RNF180: variants seen among roughly 807,000 people sequenced by gnomAD.
RNF180 encodes the protein ring finger protein 180, also known as E3 ubiquitin-protein ligase RNF180.
RNF180 carries 38 observed loss-of-function variants against 59.2 expected under a neutral mutation model. The ratio of observed to expected loss-of-function variants is 0.64; its 90% CI spans 0.50 to 0.84. The LOEUF is 0.84. RNF180 is among the 40% of genes least tolerant of loss of function. The probability of loss-of-function intolerance (pLI) is 0.00; values close to 1 mark genes in which losing one functional copy is unlikely to be tolerated. For missense variants in RNF180, 705 were observed against 700.9 expected (o/e 1.01, Z -0.07); for synonymous variants, 262 against 240.3 (o/e 1.09, Z -0.84).
At chr5:64,303,992 T>C (rs1350498985) in intron 5 of RNF180, among the ~76,000 whole-genome samples, 4 of 151,644 alleles carry the variant, frequency 2.6e-5, no homozygotes, top group Admixed American at 2.6e-4. Flanking sequence ...ACCTGTTTCA[T>C]AAATCATAAG....
At chr5:64,332,008 A>T (rs1269762042) in intron 7 of RNF180, among the ~76,000 whole-genome samples, 1 of 152,162 alleles carries the variant, frequency 6.6e-6, no homozygotes. Context: ...CTGCCCCGCC[A>T]CAGCAGCCAG....
At chr5:64,265,592 A>G (rs545592670) in intron 5 of RNF180, among the ~76,000 whole-genome samples, 1 of 152,034 alleles carries the variant, frequency 6.6e-6, no homozygotes, top group South Asian at 2.1e-4. Flanking sequence ...CTATATTTCT[A>G]TTTTGGTACC....
At chr5:64,241,602 A>G (rs534911319) in intron 5 of RNF180, among the ~76,000 whole-genome samples, 3 of 152,332 alleles carry the variant, frequency 2.0e-5, no homozygotes, top group African/African-American at 7.2e-5. Context: ...GGGTATGCTC[A>G]GTATTTGGCA....
chr5:64,346,795 A>G (rs187911322), intron 7 of RNF180, among the ~76,000 whole-genome samples: 1 of 152,254 alleles, frequency 6.6e-6, no homozygotes, highest in East Asian at 1.9e-4. Context: ...AGCTCCCCAG[A>G]TGATAACTAT....
intron 7 of RNF180, among the ~76,000 whole-genome samples, chr5:64,355,151 T>C (rs539554716): frequency 1.3e-5 from 2 of 151,978 alleles, no homozygotes; most frequent in Non-Finnish European, 2.9e-5. Flanking sequence ...TGTATTCTGA[T>C]GTCCTAATCC....
chr5:64,315,008 G>A (rs1050210384), intron 5 of RNF180, among the ~76,000 whole-genome samples: 8 of 152,130 alleles, frequency 5.3e-5, no homozygotes, highest in African/African-American at 9.7e-5. Context: ...ATTAAAATCC[G>A]TGGGTCTGTC....
intron 5 of RNF180, among the ~76,000 whole-genome samples, chr5:64,247,725 C>T (rs1219323431): frequency 6.6e-6 from 1 of 152,148 alleles, no homozygotes; most frequent in East Asian, 1.9e-4. Flanking sequence ...CATCAAGCTA[C>T]CATTGACTTT....
At chr5:64,283,113 A>G (rs571567996) in intron 5 of RNF180, among the ~76,000 whole-genome samples, 135 of 152,268 alleles carry the variant, frequency 8.9e-4, no homozygotes, top group Non-Finnish European at 1.1e-3. Flanking sequence ...GCCACCTTGT[A>G]TTATTGTGTG....
At chr5:64,345,780 C>T (rs1387607825) in intron 7 of RNF180, among the ~76,000 whole-genome samples, 1 of 152,032 alleles carries the variant, frequency 6.6e-6, no homozygotes, top group Non-Finnish European at 1.5e-5. Context: ...CATTACTGAC[C>T]AAAACCTACT....
chr5:64,187,022 G>C (rs1750905851), intron 1 of RNF180, among the ~76,000 whole-genome samples: 1 of 152,102 alleles, frequency 6.6e-6, no homozygotes, highest in Admixed American at 6.6e-5. Context: ...ATGAAAGACA[G>C]GTAGCAATTA....
At chr5:64,350,323 A>T (rs1745745860) in intron 7 of RNF180, among the ~76,000 whole-genome samples, 1 of 152,172 alleles carries the variant, frequency 6.6e-6, no homozygotes, top group Non-Finnish European at 1.5e-5. Context: ...GCCCTTTGTC[A>T]GATGAGTAGA....
chr5:64,307,457 A>T (rs781357232), intron 5 of RNF180, among the ~76,000 whole-genome samples: 21 of 151,812 alleles, frequency 1.4e-4, no homozygotes, highest in Non-Finnish European at 2.7e-4. Context: ...CTGAGAAAAC[A>T]AAATATTTTA....
intron 5 of RNF180, among the ~76,000 whole-genome samples, chr5:64,273,045 A>G (rs1016974655): frequency 6.6e-6 from 1 of 151,934 alleles, no homozygotes; most frequent in African/African-American, 2.4e-5. Context: ...CCTAGGGTAA[A>G]GAAGCCAGCC....
chr5:64,206,581 T>C (rs1330413332), intron 2 of RNF180, among the ~76,000 whole-genome samples: 1 of 152,250 alleles, frequency 6.6e-6, no homozygotes. Context: ...CTCTTCTTAG[T>C]GATACCGTAT....
intron 7 of RNF180, among the ~76,000 whole-genome samples, chr5:64,352,999 G>C (rs1745878163): frequency 1.3e-5 from 2 of 151,682 alleles, no homozygotes; most frequent in African/African-American, 4.8e-5. Context: ...AATATAGTCT[G>C]TTCCACAACC....
intron 5 of RNF180, among the ~76,000 whole-genome samples, chr5:64,276,313 T>C: frequency 7.1e-6 from 1 of 141,368 alleles, no homozygotes; most frequent in South Asian, 2.3e-4. Flanking sequence ...GAACAAAAAA[T>C]ACATTGGTGT....
chr5:64,213,650 C>T lies in RNF180; in HGVS notation c.324C>T (p.Gly108=), dbSNP rs1388433587. The change falls in exon 4 of 8, where the codon GGC becomes GGT. Residue 108 remains glycine, a synonymous_variant. Transcript: ENST00000389100. ...TCAGCACTCCAAAATGTTCCTGTGG[C>T]CAGCTTGCAGCTGTACATCTCTCCA... ...NFVSTPKCSC[G]QLAAVHLSKS... is the part of the protein sequence containing the mutation. The T allele has an allele frequency of 6.2e-7, 1 of 1,614,116 alleles. No homozygotes were observed. The highest frequency in any genetic ancestry group is 1.1e-5 in the South Asian group (1 of 91,082).
intron 7 of RNF180, among the ~76,000 whole-genome samples, chr5:64,351,527 A>G (rs1022363023): frequency 3.3e-5 from 5 of 151,972 alleles, no homozygotes; most frequent in Admixed American, 2.0e-4. Flanking sequence ...TCAGTATGAT[A>G]TTGGCTGTGG....
At chr5:64,187,530 C>T (rs1440241021) in intron 1 of RNF180, among the ~76,000 whole-genome samples, 2 of 152,112 alleles carry the variant, frequency 1.3e-5, no homozygotes, top group African/African-American at 4.8e-5. Context: ...AGACTGTGGT[C>T]TCTCTCTCTG....
Sources: allele counts gnomAD v4.1 joint callset (sites outside exome capture counted in the v4.1 genomes callset), GRCh38; gene constraint gnomAD v4.1.1; transcripts MANE v1.5; gene names NCBI Gene and HGNC (gene_info 2026-07-23, HGNC 2026-07-21).